The following ACAN variants were observed in gnomAD, a reference collection of about 807,000 sequenced individuals.
ACAN encodes aggrecan core protein.
ACAN carries 47 observed loss-of-function variants against 169.1 expected under a neutral mutation model. That is an observed-to-expected ratio of 0.28 (90% confidence interval 0.22 to 0.35). The LOEUF is 0.35. Among genes scored for constraint, ACAN ranks in the 10% least tolerant of loss-of-function variants. ACAN has a pLI of 1.00. For missense variants in ACAN, 2,716 were observed against 2,759.9 expected (o/e 0.98, Z 0.36); for synonymous variants, 1,115 against 1,112.2 (o/e 1.00, Z -0.05).
chr15:88,854,988 C>T lies in ACAN; in HGVS notation c.2403C>T (p.Pro801=), dbSNP rs1897015207. Residue 801 remains proline, a synonymous_variant, in exon 12 of 19, where the codon CCC becomes CCT. Transcript: ENST00000560601. ...CATTCCCCTCAGAGGAGCCATCCCCCTCAGAGGAACCATTCCCCTCAGTGA... is the reference window on the plus strand; with the variant it reads ...CATTCCCCTCAGAGGAGCCATCCCCTTCAGAGGAACCATTCCCCTCAGTGA... ...EVPFPSEEPS[P]SEEPFPSVRP... 4 of 1,597,090 alleles carry T rather than the reference C, an allele frequency of 2.5e-6. No homozygotes were observed. In the East Asian group the frequency reaches 9.0e-5, roughly 36 times the overall value.
At position 88,857,876 on chromosome 15, in the gene ACAN, G is replaced by C. The variant is rs2141609340; in HGVS notation, c.5291G>C (p.Gly1764Ala). Residue 1764 changes from glycine to alanine, a missense_variant, in exon 12 of 19, where the codon GGT (glycine) becomes GCT (alanine). Gly to Ala is a moderately conservative substitution (Grantham distance 60). This residue lies in a region of ACAN where 1,389 missense variants were observed against 1,363.7 expected (regional missense o/e 1.02). Transcript: ENST00000560601. ...AGCGGGCTGTCCTCTGGACAACCAG[G>C]TATTAGTGGAGAAGCATCTGGAGTT... ...ELSGLSSGQP[G>A]ISGEASGVLY... is the part of the protein sequence containing the mutation. The C allele has an allele frequency of 1.2e-6, 2 of 1,613,728 alleles. No individual in the cohort carries two copies. The highest frequency in any genetic ancestry group is 2.2e-5 in the East Asian group (1 of 44,878).
Position 88,872,279 on chromosome 15 carries a change from T to A in ACAN, c.7302+194T>A, listed in dbSNP as rs1897399677. 6.6e-6 allele frequency among the ~76,000 whole-genome samples: 1 copy of A among 152,094 alleles called. No individual in the cohort carries two copies. Among genetic ancestry groups the A allele is most frequent in the South Asian group, 2.1e-4 (1 of 4,820 alleles). On this transcript the variant is annotated intron_variant, in intron 16 of 18. Transcript: ENST00000560601. The surrounding 1 kb of genome is among the most constrained non-coding windows in gnomAD (Gnocchi z 5.4). ...CCCGGGGCTGGACAGATTGAGCTAA[T>A]GATGGCAAGAGGCAAGGAGCCAGGA... is the stretch of plus-strand genomic sequence containing the variant.
At chr15:88,842,946 T>C (rs1896702299) in intron 5 of ACAN, among the ~76,000 whole-genome samples, 2 of 152,232 alleles carry the variant, frequency 1.3e-5, no homozygotes, top group Admixed American at 1.3e-4. Context: ...CAAGGTCTGA[T>C]GCCTGCTTTT....
chr15:88,822,393 C>T (rs1896099280), intron 1 of ACAN, among the ~76,000 whole-genome samples: 2 of 152,088 alleles, frequency 1.3e-5, no homozygotes, highest in Admixed American at 1.3e-4. Flanking sequence ...GGAGCGTGAA[C>T]ACTATTTCCT....
chr15:88,805,667 C>A (rs959505516), intron 1 of ACAN, among the ~76,000 whole-genome samples: 57 of 152,278 alleles, frequency 3.7e-4, no homozygotes, highest in African/African-American at 1.2e-3. Flanking sequence ...AAGGGCTTAG[C>A]GTAGTGCCTG....
Position 88,866,985 on chromosome 15 carries a change from T to C in ACAN, c.6947-1231T>C, listed in dbSNP as rs919150232. On this transcript the variant is annotated intron_variant, in intron 13 of 18. Transcript: ENST00000560601. The surrounding 1 kb of genome is among the most constrained non-coding windows in gnomAD (Gnocchi z 5.6). ...TTCAAACCAATGTCATGGTGCCCCATAGCCAGTGGAACCCACTCACTGCAG... is the reference window on the plus strand; with the variant it reads ...TTCAAACCAATGTCATGGTGCCCCACAGCCAGTGGAACCCACTCACTGCAG... Among the ~76,000 whole-genome samples, 3 of 152,150 alleles carry C rather than the reference T, an allele frequency of 2.0e-5. No homozygotes were observed. The highest frequency in any genetic ancestry group is 6.5e-5 in the Admixed American group (1 of 15,278).
chr15:88,814,737 T>C lies in ACAN; in HGVS notation c.-8+10928T>C, dbSNP rs1379058001. Among the ~76,000 whole-genome samples the C allele has an allele frequency of 6.6e-6, 1 of 152,226 alleles. No homozygotes were observed. The highest frequency in any genetic ancestry group is 1.9e-4 in the East Asian group (1 of 5,196). On this transcript the variant is annotated intron_variant, in intron 1 of 18. Coordinates refer to ENST00000560601, the MANE Select transcript of ACAN (RefSeq NM_001369268.1). The surrounding 1 kb of genome is among the most constrained non-coding windows in gnomAD (Gnocchi z 4.0). The stretch of plus-strand genomic sequence containing the variant: ...TGGGACTGCGCTGCAGATGTTGTAC[T>C]ACAAAGGCTGGATCAACAAGAACTC...
intron 1 of ACAN, among the ~76,000 whole-genome samples, chr15:88,805,790 T>C (rs906417131): frequency 6.6e-5 from 10 of 152,220 alleles, no homozygotes; most frequent in Admixed American, 5.9e-4. Flanking sequence ...CTGACAATCA[T>C]ACTTAAAAGG....
At position 88,874,756 on chromosome 15, in the gene ACAN, G is replaced by T; in HGVS notation, c.*275G>T. On this transcript the variant is annotated 3_prime_UTR_variant, in exon 19 of 19. Transcript: ENST00000560601. The surrounding 1 kb of genome is among the most constrained non-coding windows in gnomAD (Gnocchi z 7.3). ...AGACATTTCTTCAATTTCCCATCGT[G>T]CCTTTCCAGGGACCAGTGCAGGGAC... 1 of 501,590 alleles carries T rather than the reference G, an allele frequency of 2.0e-6. No individual in the cohort carries two copies. The highest frequency in any genetic ancestry group is 3.7e-6 in the Non-Finnish European group (1 of 268,662). 31.1% of individuals were successfully genotyped at this position (501,590 alleles called of 1,614,324 possible).
intron 13 of ACAN, among the ~76,000 whole-genome samples, chr15:88,860,918 C>A (rs1897181813): frequency 1.3e-5 from 2 of 152,088 alleles, no homozygotes; most frequent in African/African-American, 4.8e-5. Flanking sequence ...GGAAATGACA[C>A]AAACAACGGT....
chr15:88,826,300 C>T (rs532991968), intron 1 of ACAN, among the ~76,000 whole-genome samples: 1 of 152,072 alleles, frequency 6.6e-6, no homozygotes, highest in East Asian at 1.9e-4. Flanking sequence ...ATCCTGAAAA[C>T]CCCTGGAGGA....
Position 88,847,246 on chromosome 15 carries a change from T to C in ACAN, c.1433T>C (p.Val478Ala). The change falls in exon 8 of 19, where the codon GTC (valine) becomes GCC (alanine). Residue 478 changes from valine (V) to alanine (A), a missense_variant. By Grantham distance (64) the Val-to-Ala change is moderately conservative. Coordinates refer to ENST00000560601, the MANE Select transcript of ACAN (RefSeq NM_001369268.1). ...CCGCTCCCTCCTCCCCACCCAGGGG[T>C]CGTCTTCCACTACCGCCCGGGACCC... is the stretch of plus-strand genomic sequence containing the variant. ...VPGQPHLPGG[V>A]VFHYRPGPTR... The C allele has an allele frequency of 1.3e-6, 2 of 1,545,934 alleles. No individual in the cohort carries two copies. Among genetic ancestry groups the C allele is most frequent in the Non-Finnish European group, 1.7e-6 (2 of 1,143,636 alleles).
In ACAN at chr15:88,866,100, C is replaced by A. The variant is rs1365015095; in HGVS notation, c.6947-2116C>A. Among the ~76,000 whole-genome samples, 1 of 152,140 alleles carries A rather than the reference C, an allele frequency of 6.6e-6. No individual in the cohort carries two copies. Among genetic ancestry groups the A allele is most frequent in the Non-Finnish European group, 1.5e-5 (1 of 68,040 alleles). ...CTGGTCAAACACAGAAAGAAAGCAA[C>A]GCTCCCCCTCACCCCAACTTGGGCA... is the stretch of plus-strand genomic sequence containing the variant. On this transcript the variant is annotated intron_variant, in intron 13 of 18. Transcript: ENST00000560601. The surrounding 1 kb of genome is among the most constrained non-coding windows in gnomAD (Gnocchi z 5.6).
chr15:88,847,942 G>T lies in ACAN; in HGVS notation c.1636G>T (p.Val546Leu), dbSNP rs62640041. 6.2e-7 allele frequency: 1 copy of T among 1,613,858 alleles called. No homozygotes were observed. The highest frequency in any genetic ancestry group is 8.5e-7 in the Non-Finnish European group (1 of 1,179,816). Residue 546 changes from valine to leucine, a missense_variant, in exon 9 of 19, where the codon GTG (valine) becomes TTG (leucine). Transcript: ENST00000560601. ...YPIVSPRTPCVGDKDSSPGVR... is the reference protein window; with the variant it reads ...YPIVSPRTPCLGDKDSSPGVR... ...CATTGTGAGCCCCCGGACCCCATGC[G>T]TGGGTGACAAGGACAGCAGCCCAGG...
chr15:88,847,227 C>A lies in ACAN; in HGVS notation c.1430-16C>A, dbSNP rs745651058. On this transcript the variant is annotated splice_polypyrimidine_tract_variant and intron_variant, in intron 7 of 18. Transcript: ENST00000560601. ...CGTGGGTCCCTGAACCTGACCGCTCCCTCCTCCCCACCCAGGGGTCGTCTT... is the reference window on the plus strand; with the variant it reads ...CGTGGGTCCCTGAACCTGACCGCTCACTCCTCCCCACCCAGGGGTCGTCTT... 4 of 1,533,780 alleles carry A rather than the reference C, an allele frequency of 2.6e-6. No homozygotes were observed. In the East Asian group the frequency reaches 9.9e-5, roughly 38 times the overall value.
intron 1 of ACAN, among the ~76,000 whole-genome samples, chr15:88,822,397 A>G (rs192894180): frequency 6.6e-6 from 1 of 152,136 alleles, no homozygotes; most frequent in Non-Finnish European, 1.5e-5. Flanking sequence ...CGTGAACACT[A>G]TTTCCTAAGA....
At position 88,838,326 on chromosome 15, in the gene ACAN, G is replaced by A. The variant is rs966994594; in HGVS notation, c.71-337G>A. ...GGAGATGGGTCCTGTTTTATTCCACGCTTTGGTGCCCACTGCAGTACCCCA... is the reference window on the plus strand; with the variant it reads ...GGAGATGGGTCCTGTTTTATTCCACACTTTGGTGCCCACTGCAGTACCCCA... On this transcript the variant is annotated intron_variant, in intron 2 of 18. Transcript: ENST00000560601. This position sits in a 1 kb window ranked among gnomAD's most constrained non-coding sequence, Gnocchi z 5.1. Among the ~76,000 whole-genome samples, 4 of 152,086 alleles carry A rather than the reference G, an allele frequency of 2.6e-5. No individual in the cohort carries two copies. Among genetic ancestry groups the A allele is most frequent in the African/African-American group, 7.2e-5 (3 of 41,412 alleles).
chr15:88,857,752 C>T lies in ACAN; in HGVS notation c.5167C>T (p.Pro1723Ser), dbSNP rs781449978. 5.6e-6 allele frequency: 9 copies of T among 1,613,926 alleles called. No homozygotes were observed. Among genetic ancestry groups the T allele is most frequent in the African/African-American group, 1.3e-5 (1 of 75,030 alleles). The change falls in exon 12 of 19, where the codon CCT becomes TCT. Residue 1723 changes from proline (P) to serine (S), a missense_variant. Coordinates refer to ENST00000560601, the MANE Select transcript of ACAN (RefSeq NM_001369268.1). Reference sequence around the variant, plus strand: ...ACTCAGTGGCCAAGCATCTGGGTCTCCTGATGTCAGTGGGGAAATACCTGG... The same window carrying T: ...ACTCAGTGGCCAAGCATCTGGGTCTTCTGATGTCAGTGGGGAAATACCTGG... The part of the protein sequence containing the change: ...TELSGQASGS[P>S]DVSGEIPGLF...
At position 88,815,324 on chromosome 15, in the gene ACAN, C is replaced by T. The variant is rs151082257; in HGVS notation, c.-8+11515C>T. Among the ~76,000 whole-genome samples, 1,284 of 151,878 alleles carry T rather than the reference C, an allele frequency of 8.5e-3. 49 individuals are homozygous for T. The East Asian group carries it at 0.097, about 11-fold the overall frequency. On this transcript the variant is annotated intron_variant, in intron 1 of 18. Coordinates refer to ENST00000560601, the MANE Select transcript of ACAN (RefSeq NM_001369268.1). ...CTGTAATCCCAGCACTTTGAGAGGCCGAGGTGGGAGGATCACTTGAGGTCA... is the reference window on the plus strand; with the variant it reads ...CTGTAATCCCAGCACTTTGAGAGGCTGAGGTGGGAGGATCACTTGAGGTCA...
Sources: gnomAD v4.1 joint callset for allele counts (sites outside exome capture counted in the v4.1 genomes callset) on GRCh38, gnomAD v4.1.1 for gene constraint, gnomAD v4.1.1 regional missense constraint, Gnocchi (gnomAD v3.1) non-coding constraint, MANE v1.5 for transcripts, NCBI Gene and HGNC (gene_info 2026-07-23, HGNC 2026-07-21) for gene names.